The following THSD4 variants were observed in gnomAD, a reference collection of about 807,000 sequenced individuals.
The protein encoded by THSD4 is thrombospondin type 1 domain containing 4.
THSD4 carries 69 observed loss-of-function variants against 119.0 expected under a neutral mutation model. That is an observed-to-expected ratio of 0.58 (90% CI 0.48 to 0.71). The LOEUF (loss-of-function observed/expected upper bound fraction) is 0.71, where lower values mean the gene tolerates loss of function less well. Among genes scored for constraint, THSD4 ranks in the 30% least tolerant of loss-of-function variants. The pLI is 0.00. For missense variants in THSD4, 1,393 were observed against 1,391.1 expected, an observed-to-expected ratio of 1.00 and a Z score of -0.02; for synonymous variants, 524 against 540.4, an observed-to-expected ratio of 0.97 and a Z score of 0.42.
At chr15:71,332,812 A>G (rs1170111829) in intron 6 of THSD4, among the ~76,000 whole-genome samples, 4 of 151,606 alleles carry the variant, frequency 2.6e-5, no homozygotes, top group Non-Finnish European at 5.9e-5. Context: ...AGCTTGTCCA[A>G]CCCGTGTCTT....
chr15:71,629,743 T>C (rs987510288), intron 7 of THSD4, among the ~76,000 whole-genome samples: 1 of 152,318 alleles, frequency 6.6e-6, no homozygotes, highest in East Asian at 1.9e-4. Context: ...TCTTTGTTTA[T>C]TTACCTCCCT....
At chr15:71,699,223 T>TG (rs2052233514) in intron 8 of THSD4, among the ~76,000 whole-genome samples, 1 of 61,202 alleles carries the variant, frequency 1.6e-5, no homozygotes, top group Non-Finnish European at 2.8e-5. Flanking sequence ...TTTTTTTTTT[T>TG]TTTTTTTGAG....
chr15:71,311,224 A>G (rs1248536541), intron 6 of THSD4, among the ~76,000 whole-genome samples: 1 of 152,242 alleles, frequency 6.6e-6, no homozygotes, highest in East Asian at 1.9e-4. Flanking sequence ...AGCAAAGGAC[A>G]TAGACCTGCT....
At chr15:71,631,277 A>G (rs1163618579) in intron 7 of THSD4, among the ~76,000 whole-genome samples, 2 of 152,140 alleles carry the variant, frequency 1.3e-5, no homozygotes, top group Non-Finnish European at 2.9e-5. Context: ...CTTCAAAGTG[A>G]TTCTAGGATA....
At chr15:71,607,952 G>A (rs1311965050) in intron 7 of THSD4, among the ~76,000 whole-genome samples, 1 of 152,094 alleles carries the variant, frequency 6.6e-6, no homozygotes, top group Non-Finnish European at 1.5e-5. Context: ...GCCTGGGCTG[G>A]GTGGCTTACA....
chr15:71,520,899 C>T (rs1488302883), intron 7 of THSD4, among the ~76,000 whole-genome samples: 2 of 152,190 alleles, frequency 1.3e-5, no homozygotes, highest in African/African-American at 4.8e-5. Flanking sequence ...TGGGGCAATG[C>T]TGCCCAGGAA....
chr15:71,326,700 A>ATATATATAT (rs869113340), intron 6 of THSD4, among the ~76,000 whole-genome samples: 3 of 6,454 alleles, frequency 4.6e-4, no homozygotes, highest in African/African-American at 1.0e-3. Flanking sequence ...AAAAAAAAAA[A>ATATATATAT]ATATATATAT....
chr15:71,633,343 A>T (rs975316105), intron 7 of THSD4, among the ~76,000 whole-genome samples: 2 of 136,286 alleles, frequency 1.5e-5, no homozygotes, highest in Non-Finnish European at 3.0e-5. Context: ...TGGCGCAATC[A>T]TAGCTCACTG....
At chr15:71,557,858 T>C (rs2049044342) in intron 7 of THSD4, among the ~76,000 whole-genome samples, 1 of 152,214 alleles carries the variant, frequency 6.6e-6, no homozygotes, top group Non-Finnish European at 1.5e-5. Context: ...TTGTGCCTTT[T>C]ATTTTATTAA....
At chr15:71,321,975 C>G (rs1330269307) in intron 6 of THSD4, among the ~76,000 whole-genome samples, 6 of 150,870 alleles carry the variant, frequency 4.0e-5, no homozygotes, top group African/African-American at 1.5e-4. Flanking sequence ...AATCAAAGAC[C>G]ATTAGAACTA....
At chr15:71,509,926 T>C (rs1422111568) in intron 7 of THSD4, among the ~76,000 whole-genome samples, 2 of 152,204 alleles carry the variant, frequency 1.3e-5, no homozygotes. Context: ...AGAATTTTTT[T>C]TCTCCAGCAG....
At chr15:71,365,168 T>TGTGTGTGTGTGTGTGTGTG (rs2045944281) in intron 6 of THSD4, among the ~76,000 whole-genome samples, 1 of 148,488 alleles carries the variant, frequency 6.7e-6, no homozygotes, top group Non-Finnish European at 1.5e-5. Context: ...TGTGTGTGTA[T>TGTGTGTGTGTGTGTGTGTG]GAGAGAGAGA....
chr15:71,609,747 G>A lies in THSD4; in HGVS notation c.1153-50783G>A, dbSNP rs377711566. ...GGCGCCTATAGTCCCAGCTACTCGG[G>A]AGGCTGAGGCAGGAGAATGGCGTGA... On this transcript the variant is annotated intron_variant, in intron 7 of 17. Transcript: ENST00000261862. 1.5e-4 allele frequency among the ~76,000 whole-genome samples: 22 copies of A among 151,370 alleles called. 1 individual carries two copies. The highest frequency in any genetic ancestry group is 2.7e-4 in the African/African-American group (11 of 41,270).
At chr15:71,132,316 G>A (rs990535289) in intron 1 of THSD4, among the ~76,000 whole-genome samples, 2 of 152,208 alleles carry the variant, frequency 1.3e-5, no homozygotes, top group African/African-American at 4.8e-5. Context: ...AACATTATTA[G>A]ATGTGTTATC....
At chr15:71,635,297 G>T (rs2050717741) in intron 7 of THSD4, among the ~76,000 whole-genome samples, 1 of 151,926 alleles carries the variant, frequency 6.6e-6, no homozygotes, top group African/African-American at 2.4e-5. Flanking sequence ...TAGACAAAAA[G>T]GGACAAAAAG....
At chr15:71,164,591 C>G (rs2043274420) in intron 3 of THSD4, among the ~76,000 whole-genome samples, 1 of 152,052 alleles carries the variant, frequency 6.6e-6, no homozygotes, top group Non-Finnish European at 1.5e-5. Flanking sequence ...ACCACCAGGA[C>G]AGGGCTATCT....
chr15:71,537,708 C>T lies in THSD4; in HGVS notation c.1153-122822C>T, dbSNP rs1164482034. Among the ~76,000 whole-genome samples the T allele has an allele frequency of 2.0e-5, 3 of 152,100 alleles. No individual in the cohort carries two copies. The East Asian group carries it at 5.8e-4, about 29-fold the overall frequency. On this transcript the variant is annotated intron_variant, in intron 7 of 17. Transcript: ENST00000261862. ...AGTACTGATATTTTCAGTAAATGGA[C>T]AAGTGAAATACATTCTCTACTGTGT...
At chr15:71,333,515 C>T (rs1596343782) in intron 6 of THSD4, among the ~76,000 whole-genome samples, 1 of 152,054 alleles carries the variant, frequency 6.6e-6, no homozygotes, top group East Asian at 1.9e-4. Context: ...TTTTTCTTGG[C>T]CAAGAGCCTT....
intron 6 of THSD4, among the ~76,000 whole-genome samples, chr15:71,266,021 G>A (rs1399130916): frequency 1.3e-5 from 2 of 152,236 alleles, no homozygotes; most frequent in Non-Finnish European, 2.9e-5. Context: ...AGGGGCGGAT[G>A]TGAGCGCAGC....
Sources: allele counts gnomAD v4.1 joint callset (sites outside exome capture counted in the v4.1 genomes callset), GRCh38; gene constraint gnomAD v4.1.1; transcripts MANE v1.5; gene names NCBI Gene and HGNC (gene_info 2026-07-23, HGNC 2026-07-21).